TMEM135: variants seen among roughly 807,000 people sequenced by gnomAD.
TMEM135 encodes the protein transmembrane protein 135.
TMEM135 carries 30 observed loss-of-function variants against 60.3 expected under a neutral mutation model. That is an observed-to-expected ratio of 0.50 (90% CI 0.37 to 0.68). TMEM135 has a LOEUF of 0.68. TMEM135 is among the 30% of genes least tolerant of loss of function. The probability of loss-of-function intolerance (pLI) is 0.00; values close to 1 mark genes in which losing one functional copy is unlikely to be tolerated. For missense variants in TMEM135, 468 were observed against 548.8 expected, an observed-to-expected ratio of 0.85 and a Z score of 1.47; for synonymous variants, 190 against 186.7, an observed-to-expected ratio of 1.02 and a Z score of -0.14.
chr11:87,198,011 C>T lies in TMEM135; in HGVS notation c.463-38627C>T, dbSNP rs184506849. ...GGGCTACATGTGAGTATTTCTTACA[C>T]GTAATGATCAAGTCAGAATATTTGG... On this transcript the variant is annotated intron_variant, in intron 5 of 14. Coordinates refer to ENST00000305494, the MANE Select transcript of TMEM135 (RefSeq NM_022918.4). Among the ~76,000 whole-genome samples, 309 of 152,068 alleles carry T rather than the reference C, an allele frequency of 2.0e-3. 2 individuals are homozygous for T. Among genetic ancestry groups the T allele is most frequent in the Admixed American group, 0.017 (261 of 15,270 alleles).
chr11:87,199,705 G>GT (rs1424769110), intron 5 of TMEM135, among the ~76,000 whole-genome samples: 1 of 151,966 alleles, frequency 6.6e-6, no homozygotes, highest in Non-Finnish European at 1.5e-5. Context: ...CGAGGCAGGC[G>GT]TATCACCTGA....
intron 6 of TMEM135, chr11:87,277,290 C>T (rs1250008627): frequency 2.6e-6 from 1 of 384,098 alleles, no homozygotes; most frequent in South Asian, 1.9e-5. Context: ...TGCCACCATG[C>T]CTGGCTAATT....
At chr11:87,122,437 A>ATTTTTTTTTATTTATTTATTTATT (rs765586434) in intron 4 of TMEM135, among the ~76,000 whole-genome samples, 55 of 144,946 alleles carry the variant, frequency 3.8e-4, no homozygotes, top group East Asian at 2.8e-3. Flanking sequence ...TTTAGTTTTT[A>ATTTTTTTTTATTTATTTATTTATT]TATTTATTTA....
intron 5 of TMEM135, among the ~76,000 whole-genome samples, chr11:87,195,391 T>TCTCTTTC (rs1555116639): frequency 0.023 from 1,490 of 65,782 alleles, 113 homozygotes; most frequent in Admixed American, 0.043. Flanking sequence ...CCTTCCTTCC[T>TCTCTTTC]TCTCTCTCTC....
At chr11:87,272,202 C>G (rs909096535) in intron 6 of TMEM135, among the ~76,000 whole-genome samples, 1 of 151,116 alleles carries the variant, frequency 6.6e-6, no homozygotes, top group African/African-American at 2.4e-5. Context: ...TACAGGCACC[C>G]GCCACCACAC....
intron 4 of TMEM135, among the ~76,000 whole-genome samples, chr11:87,093,065 T>C (rs1400907494): frequency 6.6e-6 from 1 of 152,170 alleles, no homozygotes; most frequent in African/African-American, 2.4e-5. Context: ...TGGAACTCCT[T>C]TGAGATACAT....
Position 87,178,128 on chromosome 11 carries a change from C to T in TMEM135, c.462+20722C>T, listed in dbSNP as rs546991182. On this transcript the variant is annotated intron_variant, in intron 5 of 14. Coordinates refer to ENST00000305494, the MANE Select transcript of TMEM135 (RefSeq NM_022918.4). ...TATTGGCCATGTGATTGAACTGTCTCCAGCTCCCCTCCTGTCCTTGGAGGT... is the reference window on the plus strand; with the variant it reads ...TATTGGCCATGTGATTGAACTGTCTTCAGCTCCCCTCCTGTCCTTGGAGGT... 2.4e-4 allele frequency among the ~76,000 whole-genome samples: 36 copies of T among 152,232 alleles called. 1 individual carries two copies. The highest frequency in any genetic ancestry group is 8.2e-4 in the African/African-American group (34 of 41,538).
chr11:87,065,602 TCTC>T (rs1295102869), intron 1 of TMEM135, among the ~76,000 whole-genome samples: 37 of 152,324 alleles, frequency 2.4e-4, no homozygotes, highest in African/African-American at 7.0e-4. Flanking sequence ...AGTATTTTCT[TCTC>T]TTCTGGAGCT....
In TMEM135 at chr11:87,038,206, C is replaced by T. The variant is rs758303806; in HGVS notation, c.141+20C>T. The T allele has an allele frequency of 6.2e-7, 1 of 1,613,914 alleles. No homozygotes were observed. Among genetic ancestry groups the T allele is most frequent in the South Asian group, 1.1e-5 (1 of 91,074 alleles). ...TACTTGGTGAGACCCGTCACCCGTC[C>T]CGCAGGGCGAGTTTAGTCTGGAAGA... On this transcript the variant is annotated intron_variant, in intron 1 of 14. Coordinates refer to ENST00000305494, the MANE Select transcript of TMEM135 (RefSeq NM_022918.4).
chr11:87,167,350 G>C (rs1939083390), intron 5 of TMEM135, among the ~76,000 whole-genome samples: 4 of 152,184 alleles, frequency 2.6e-5, no homozygotes, highest in Admixed American at 2.6e-4. Context: ...ATGTTGAATA[G>C]GAGTGGTGAG....
At chr11:87,143,697 A>C (rs1938328485) in intron 4 of TMEM135, among the ~76,000 whole-genome samples, 2 of 152,212 alleles carry the variant, frequency 1.3e-5, no homozygotes, top group South Asian at 4.1e-4. Flanking sequence ...TTAAGCAGTC[A>C]GTCAAGCTTT....
intron 3 of TMEM135, among the ~76,000 whole-genome samples, chr11:87,073,651 A>G (rs1565429452): frequency 1.3e-5 from 2 of 151,976 alleles, no homozygotes. Context: ...ATGATAATCT[A>G]TTTGTAGGAT....
rs143016503 is a variant in TMEM135 at position 87,296,713 on chromosome 11, A to C, written c.551+890A>C. Reference sequence around the variant, plus strand: ...CTGGCATGGAGTAAATACTCCAGAAATGTTGGATATTATTTTTGTTATATT... The same window carrying C: ...CTGGCATGGAGTAAATACTCCAGAACTGTTGGATATTATTTTTGTTATATT... On this transcript the variant is annotated intron_variant, in intron 7 of 14. Transcript: ENST00000305494. 7.0e-3 allele frequency among the ~76,000 whole-genome samples: 1,066 copies of C among 152,280 alleles called. 18 individuals are homozygous for C. The highest frequency in any genetic ancestry group is 0.024 in the African/African-American group (1,000 of 41,548).
At chr11:87,123,475 G>A (rs372604176) in intron 4 of TMEM135, among the ~76,000 whole-genome samples, 1 of 152,044 alleles carries the variant, frequency 6.6e-6, no homozygotes, top group Admixed American at 6.5e-5. Flanking sequence ...ATTGGATTTG[G>A]TGCTTCCTCT....
intron 4 of TMEM135, among the ~76,000 whole-genome samples, chr11:87,127,387 G>C (rs1937763546): frequency 1.3e-5 from 2 of 152,180 alleles, no homozygotes; most frequent in Admixed American, 1.3e-4. Context: ...GGCTAATCAA[G>C]ATTCATGGCC....
Position 87,319,385 on chromosome 11 carries a change from A to T in TMEM135, c.1244+8A>T. 6.2e-7 allele frequency: 1 copy of T among 1,604,224 alleles called. No homozygotes were observed. The highest frequency in any genetic ancestry group is 8.5e-7 in the Non-Finnish European group (1 of 1,171,308). ...AAGACTCACCAAGGGCAAGTAAGTG[A>T]CTACGTAGTTTTCTTAAAAATATTA... On this transcript the variant is annotated splice_region_variant and intron_variant, in intron 14 of 14. Coordinates refer to ENST00000305494, the MANE Select transcript of TMEM135 (RefSeq NM_022918.4).
At chr11:87,320,901 C>T (rs1040749638) in intron 14 of TMEM135, among the ~76,000 whole-genome samples, 1 of 152,042 alleles carries the variant, frequency 6.6e-6, no homozygotes, top group Non-Finnish European at 1.5e-5. Context: ...CTATTTGATA[C>T]AGTCTAGTGG....
intron 6 of TMEM135, among the ~76,000 whole-genome samples, chr11:87,251,253 A>G (rs1246611955): frequency 6.6e-6 from 1 of 152,116 alleles, no homozygotes; most frequent in African/African-American, 2.4e-5. Context: ...AGTGTTCTGT[A>G]GTGAGAATAT....
intron 5 of TMEM135, among the ~76,000 whole-genome samples, chr11:87,225,518 A>G (rs1047588864): frequency 2.0e-5 from 3 of 152,090 alleles, no homozygotes; most frequent in African/African-American, 4.8e-5. Flanking sequence ...AGTCATTATC[A>G]TTAAAAATGC....
Sources: gnomAD v4.1 joint callset for allele counts (sites outside exome capture counted in the v4.1 genomes callset) on GRCh38, gnomAD v4.1.1 for gene constraint, MANE v1.5 for transcripts, NCBI Gene and HGNC (gene_info 2026-07-23, HGNC 2026-07-21) for gene names.